The following RAB8B variants were observed in gnomAD, a reference collection of about 807,000 sequenced individuals.
RAB8B encodes ras-related protein Rab-8B.
A neutral mutation model predicts 32.0 loss-of-function variants in RAB8B; 11 were observed. The ratio of observed to expected loss-of-function variants is 0.34; its 90% CI spans 0.22 to 0.57. The LOEUF is 0.57. Among genes scored for constraint, RAB8B ranks in the 20% least tolerant of loss-of-function variants. The pLI is 0.86. For synonymous variants in RAB8B, 103 were observed against 89.6 expected, an observed-to-expected ratio of 1.15 and a Z score of -0.85; for missense variants, 190 against 258.5, an observed-to-expected ratio of 0.73 and a Z score of 1.82.
intron 1 of RAB8B, among the ~76,000 whole-genome samples, chr15:63,214,680 T>G (rs375377645): frequency 3.9e-5 from 6 of 152,288 alleles, no homozygotes; most frequent in East Asian, 1.9e-4. Context: ...GACAGTGGAT[T>G]TGACCAGAGT....
chr15:63,212,758 T>C (rs1366955707), intron 1 of RAB8B, among the ~76,000 whole-genome samples: 1 of 152,192 alleles, frequency 6.6e-6, no homozygotes, highest in Non-Finnish European at 1.5e-5. Flanking sequence ...GATTGGTGTA[T>C]GAATAGAAAG....
intron 2 of RAB8B, 133 bp from the exon 3 acceptor site, chr15:63,249,512 T>C: frequency 1.3e-6 from 1 of 745,578 alleles, no homozygotes; most frequent in South Asian, 1.9e-5. Context: ...GGGCTCCCTC[T>C]GTGTCTCATT....
At chr15:63,255,666 T>TG (rs2038153406) in intron 4 of RAB8B, 82 bp downstream of exon 4, 13 of 1,158,176 alleles carry the variant, frequency 1.1e-5, no homozygotes, top group Admixed American at 1.8e-5. Context: ...GCAAGGCAGC[T>TG]GAGCTGCTTA....
intron 1 of RAB8B, among the ~76,000 whole-genome samples, chr15:63,214,206 T>C (rs944594431): frequency 1.3e-5 from 2 of 151,956 alleles, no homozygotes; most frequent in African/African-American, 4.8e-5. Context: ...AAGGATCTAA[T>C]GTAGTTATCT....
chr15:63,205,255 G>A (rs1595734534), intron 1 of RAB8B, among the ~76,000 whole-genome samples: 1 of 152,308 alleles, frequency 6.6e-6, no homozygotes, highest in East Asian at 1.9e-4. Flanking sequence ...AGCCGAGATT[G>A]CGCCATTGCA....
chr15:63,212,554 A>T (rs1444296119), intron 1 of RAB8B, among the ~76,000 whole-genome samples: 1 of 152,212 alleles, frequency 6.6e-6, no homozygotes, highest in East Asian at 1.9e-4. Context: ...CAGAATCCCT[A>T]AAAATGTAGT....
intron 1 of RAB8B, chr15:63,223,971 TG>T (rs1203697105): frequency 1.4e-5 from 4 of 280,230 alleles, no homozygotes; most frequent in Non-Finnish European, 3.0e-5. Flanking sequence ...TATAGCACTG[TG>T]GTGTTGGGTA....
At chr15:63,216,859 C>T (rs75514624) in intron 1 of RAB8B, among the ~76,000 whole-genome samples, 999 of 59,412 alleles carry the variant, frequency 0.017, 41 homozygotes, top group Admixed American at 0.14. Context: ...GACTCTGTCT[C>T]AAAAAAAAAA....
intron 1 of RAB8B, among the ~76,000 whole-genome samples, chr15:63,200,249 A>G (rs1328185508): frequency 6.6e-6 from 1 of 152,226 alleles, no homozygotes; most frequent in Non-Finnish European, 1.5e-5. Context: ...TTTTGATGAC[A>G]TGAAGACAGA....
At chr15:63,222,694 C>T (rs566216408) in intron 1 of RAB8B, among the ~76,000 whole-genome samples, 5 of 152,052 alleles carry the variant, frequency 3.3e-5, no homozygotes, top group South Asian at 4.1e-4. Context: ...TATGCCACGA[C>T]ACCCGACTAA....
rs565093024 is a variant in RAB8B at position 63,196,322 on chromosome 15, A to G, written c.124+6574A>G. Among the ~76,000 whole-genome samples, 9 of 152,306 alleles carry G rather than the reference A, an allele frequency of 5.9e-5. No homozygotes were observed. In the South Asian group the frequency reaches 1.9e-3, roughly 32 times the overall value. On this transcript the variant is annotated intron_variant, in intron 1 of 7. Transcript: ENST00000321437. ...AAATAGATCCTTTATCAGAGCTGGT[A>G]TTGACATGAAAAAGCCTTAAATTAT...
At chr15:63,215,773 A>G (rs2037786400) in intron 1 of RAB8B, among the ~76,000 whole-genome samples, 1 of 152,196 alleles carries the variant, frequency 6.6e-6, no homozygotes, top group Admixed American at 6.5e-5. Flanking sequence ...ATAGCTGCTC[A>G]TGCCTATAAT....
At chr15:63,238,375 A>G (rs538752586) in intron 1 of RAB8B, among the ~76,000 whole-genome samples, 1 of 151,944 alleles carries the variant, frequency 6.6e-6, no homozygotes, top group South Asian at 2.1e-4. Flanking sequence ...GGGCTGGAGG[A>G]CTCTCCTAGC....
chr15:63,209,422 C>G lies in RAB8B; in HGVS notation c.124+19674C>G, dbSNP rs149732171. Among the ~76,000 whole-genome samples, 66 of 151,862 alleles carry G rather than the reference C, an allele frequency of 4.3e-4. 2 individuals are homozygous for G. Among genetic ancestry groups the G allele is most frequent in the African/African-American group, 1.4e-3 (60 of 41,422 alleles). ...ACTGGCCAACATGGTGAAACCCTGTCTCTACTAAAAATACAAAAATTAGCC... is the reference window on the plus strand; with the variant it reads ...ACTGGCCAACATGGTGAAACCCTGTGTCTACTAAAAATACAAAAATTAGCC... On this transcript the variant is annotated intron_variant, in intron 1 of 7. Coordinates refer to ENST00000321437, the MANE Select transcript of RAB8B (RefSeq NM_016530.3).
rs138097216 is a variant in RAB8B at position 63,191,350 on chromosome 15, A to G, written c.124+1602A>G. On this transcript the variant is annotated intron_variant, in intron 1 of 7. Transcript: ENST00000321437. ...CACTCTTTAAGTATTAGTAAAGGCT[A>G]TGGTTTGTTTGCTCATTCTGGATTC... Among the ~76,000 whole-genome samples the G allele has an allele frequency of 6.6e-5, 10 of 152,296 alleles. No individual in the cohort carries two copies. The East Asian group carries it at 1.9e-3, about 29-fold the overall frequency.
intron 1 of RAB8B, among the ~76,000 whole-genome samples, chr15:63,244,503 A>G (rs2038056128): frequency 6.6e-6 from 1 of 152,304 alleles, no homozygotes; most frequent in South Asian, 2.1e-4. Context: ...ACTTTGCAGG[A>G]TGTGATCCAT....
At position 63,229,780 on chromosome 15, in the gene RAB8B, C is replaced by CAAAAAAAA. The variant is rs56015501; in HGVS notation, c.125-14953_125-14946dup. Among the ~76,000 whole-genome samples the CAAAAAAAA allele has an allele frequency of 2.1e-3, 76 of 35,984 alleles. 23 individuals are homozygous for CAAAAAAAA. The highest frequency in any genetic ancestry group is 2.8e-3 in the African/African-American group (31 of 11,184). 23.6% of individuals were successfully genotyped at this position (35,984 alleles called of 152,430 possible). ...TAGGTGACAGAGCAAGACGCTGTTT[C>CAAAAAAAA]AAAAAAAAAAAAAAAAAAAAAAAAA... On this transcript the variant is annotated intron_variant, in intron 1 of 7. Transcript: ENST00000321437.
At chr15:63,229,780 CAAAAAAAAAAAAAA>C (rs56015501) in intron 1 of RAB8B, among the ~76,000 whole-genome samples, 55 of 35,986 alleles carry the variant, frequency 1.5e-3, no homozygotes, top group Admixed American at 2.6e-3. Context: ...GACGCTGTTT[CAAAAAAAAAAAAAA>C]AAAAAAAAAA....
rs2038243025 is a variant in RAB8B, at chr15:63,265,970, A to G, written c.*2351A>G. 6.6e-6 allele frequency: 1 copy of G among 152,616 alleles called. No individual in the cohort carries two copies. Among genetic ancestry groups the G allele is most frequent in the Non-Finnish European group, 1.5e-5 (1 of 68,004 alleles). The allele number at this position is 152,616 out of a possible 1,614,324, so 9.5% of individuals were successfully genotyped here. A position where few individuals can be genotyped will look rare whatever the true frequency, so the allele number is the denominator to read the frequency against. ...CTTACATTTAGCTTTGCTAGATTGT[A>G]TATACATTGAGCTAAGACCTTAGGA... On this transcript the variant is annotated 3_prime_UTR_variant, in exon 8 of 8. Transcript: ENST00000321437. The surrounding 1 kb of genome is among the most constrained non-coding windows in gnomAD (Gnocchi z 4.9).
Sources: gnomAD v4.1 joint callset for allele counts (sites outside exome capture counted in the v4.1 genomes callset) on GRCh38, gnomAD v4.1.1 for gene constraint, Gnocchi (gnomAD v3.1) non-coding constraint, MANE v1.5 for transcripts, NCBI Gene and HGNC (gene_info 2026-07-23, HGNC 2026-07-21) for gene names.